Variants in ATP11C observed in about 807,000 individuals in gnomAD.
The protein encoded by ATP11C is ATPase phospholipid transporting 11C (ATP11C blood group), also known as phospholipid-transporting ATPase IG.
Under a neutral mutation model 97.4 loss-of-function variants are expected in ATP11C, and 36 were observed. The ratio of observed to expected loss-of-function variants is 0.37; its 90% CI spans 0.28 to 0.49. ATP11C has a LOEUF of 0.49. ATP11C is among the 20% of genes least tolerant of loss of function. ATP11C has a pLI of 0.98. For missense variants in ATP11C, 730 were observed against 824.6 expected (o/e 0.89, Z 1.40); for synonymous variants, 275 against 290.9 (o/e 0.95, Z 0.56).
intron 2 of ATP11C, among the ~76,000 whole-genome samples, chrX:139,820,564 G>A (rs989140596): frequency 9.1e-6 from 1 of 110,218 alleles, no homozygotes; most frequent in African/African-American, 3.3e-5. Flanking sequence ...ATGACAGCTG[G>A]GAAGGTGTAT....
intron 3 of ATP11C, among the ~76,000 whole-genome samples, chrX:139,818,991 C>CA (rs1254415185): frequency 9.0e-6 from 1 of 111,595 alleles, no homozygotes; most frequent in Non-Finnish European, 1.9e-5. Context: ...TGGTATGTAA[C>CA]AAAATAAAAC....
At chrX:139,742,739 T>C (rs2081583032) in intron 26 of ATP11C, among the ~76,000 whole-genome samples, 1 of 109,847 alleles carries the variant, frequency 9.1e-6, no homozygotes, top group African/African-American at 3.3e-5. Flanking sequence ...GCCAATGATT[T>C]TGCCAAAATT....
chrX:139,817,737 C>T (rs1029384631), intron 3 of ATP11C, among the ~76,000 whole-genome samples: 4 of 111,675 alleles, frequency 3.6e-5, no homozygotes, highest in African/African-American at 3.3e-5. Context: ...CTAGTGTTAG[C>T]GGCAGGCATG....
chrX:139,792,116 AAAGAGG>A (rs904511781), intron 12 of ATP11C, among the ~76,000 whole-genome samples: 11 of 110,389 alleles, frequency 1.0e-4, no homozygotes, highest in Non-Finnish European at 1.7e-4. Flanking sequence ...GGGAAGGAGG[AAAGAGG>A]GGCTGAAGGT....
intron 1 of ATP11C, among the ~76,000 whole-genome samples, chrX:139,845,925 T>G (rs1264001833): frequency 8.9e-6 from 1 of 112,366 alleles, no homozygotes; most frequent in African/African-American, 3.2e-5. Flanking sequence ...TTTAAGAAAC[T>G]GCCAAAGCAA....
chrX:139,824,489 C>T (rs1487600777), intron 2 of ATP11C, among the ~76,000 whole-genome samples: 1 of 111,724 alleles, frequency 9.0e-6, no homozygotes, highest in Non-Finnish European at 1.9e-5. Flanking sequence ...ATCACGAGAC[C>T]ATCCTGGCTA....
chrX:139,837,827 G>C (rs143789271), intron 1 of ATP11C, among the ~76,000 whole-genome samples: 4 of 112,135 alleles, frequency 3.6e-5, no homozygotes, highest in African/African-American at 1.3e-4. Context: ...ATTCTACAAT[G>C]TTCTGCTGAC....
At chrX:139,785,729 G>A (rs2082558270) in intron 15 of ATP11C, among the ~76,000 whole-genome samples, 1 of 111,512 alleles carries the variant, frequency 9.0e-6, no homozygotes, top group Admixed American at 9.6e-5. Flanking sequence ...CATATGATAA[G>A]GGAGACAGAG....
rs922282741 is a variant in ATP11C, at chrX:139,741,233, T to C, written c.3031-139A>G. ...CCAGGGATCCAGAGAAGAGGGGAAC[T>C]AAACAGAACCCAGGTTTTTCAAAGA... On this transcript the variant is annotated intron_variant, in intron 26 of 29. Transcript: ENST00000682941. 1.1e-5 allele frequency: 5 copies of C among 449,123 alleles called. No individual in the cohort carries two copies. The African/African-American group carries it at 1.2e-4, about 11-fold the overall frequency. 37.0% of individuals were successfully genotyped at this position (449,123 alleles called of 1,213,427 possible).
chrX:139,774,585 C>T (rs2082313758), intron 19 of ATP11C, 105 bp downstream of exon 19: 2 of 737,260 alleles, frequency 2.7e-6, no homozygotes, highest in South Asian at 3.0e-5. Context: ...AAAACACCTG[C>T]AAACAGAAAA....
At chrX:139,921,562 TAC>T (rs1379253843) in intron 1 of ATP11C, among the ~76,000 whole-genome samples, 1 of 111,895 alleles carries the variant, frequency 8.9e-6, no homozygotes, top group Non-Finnish European at 1.9e-5. Context: ...AATAGACTAA[TAC>T]AGAGGGAATG....
chrX:139,891,473 A>T (rs1209921597), intron 1 of ATP11C, among the ~76,000 whole-genome samples: 21 of 112,107 alleles, frequency 1.9e-4, no homozygotes, highest in Non-Finnish European at 3.6e-4. Context: ...AGTCATGCAG[A>T]GAAAATGACT....
intron 22 of ATP11C, among the ~76,000 whole-genome samples, chrX:139,760,319 T>C (rs1367666810): frequency 8.9e-6 from 1 of 112,090 alleles, no homozygotes; most frequent in Non-Finnish European, 1.9e-5. Flanking sequence ...TTATCATCAT[T>C]TTCCTCCTCC....
chrX:139,846,722 A>T (rs1398038552), intron 1 of ATP11C, among the ~76,000 whole-genome samples: 1 of 111,362 alleles, frequency 9.0e-6, no homozygotes, highest in Non-Finnish European at 1.9e-5. Flanking sequence ...TAGCGTGTTC[A>T]TTGTTATAGT....
chrX:139,856,002 A>G (rs2084084607), intron 1 of ATP11C, among the ~76,000 whole-genome samples: 1 of 112,614 alleles, frequency 8.9e-6, no homozygotes, highest in African/African-American at 3.2e-5. Context: ...AGAGGATCAT[A>G]GAAGTTAAAG....
chrX:139,925,413 G>A (rs917033619), intron 1 of ATP11C, among the ~76,000 whole-genome samples: 2 of 81,101 alleles, frequency 2.5e-5, no homozygotes, highest in Non-Finnish European at 5.0e-5. Flanking sequence ...AGCCTCTCAA[G>A]TAGCTGGGAT....
chrX:139,782,851 T>C lies in ATP11C; in HGVS notation c.1771-123A>G, dbSNP rs1001857026. 99 of 478,997 alleles carry C rather than the reference T, an allele frequency of 2.1e-4. No homozygotes were observed. The African/African-American group carries it at 2.2e-3, about 11-fold the overall frequency. The allele number at this position is 478,997 out of a possible 1,213,427, so 39.5% of individuals were successfully genotyped here. A position where few individuals can be genotyped will look rare whatever the true frequency, so the allele number is the denominator to read the frequency against. ...GAGAAATTCTGACACATATTTAGTC[T>C]GAAAAAATGAAGAAATTACAACTGA... On this transcript the variant is annotated intron_variant, in intron 17 of 29. Transcript: ENST00000682941.
chrX:139,836,164 G>A (rs979604738), intron 1 of ATP11C, among the ~76,000 whole-genome samples: 4 of 109,267 alleles, frequency 3.7e-5, no homozygotes, highest in African/African-American at 1.3e-4. Context: ...CCTGTTTCAG[G>A]ATAAAGAGTA....
intron 1 of ATP11C, among the ~76,000 whole-genome samples, chrX:139,860,337 A>G (rs1056104761): frequency 9.0e-6 from 1 of 111,314 alleles, no homozygotes; most frequent in Non-Finnish European, 1.9e-5. Flanking sequence ...CTAATTTACC[A>G]TTTGAGGACT....
Sources: gnomAD v4.1 joint callset for allele counts (sites outside exome capture counted in the v4.1 genomes callset) on GRCh38, gnomAD v4.1.1 for gene constraint, MANE v1.5 for transcripts, NCBI Gene and HGNC (gene_info 2026-07-23, HGNC 2026-07-21) for gene names.